The following IFT81 variants were observed in gnomAD, a reference collection of about 807,000 sequenced individuals.
The protein encoded by IFT81 is intraflagellar transport protein 81 homolog.
In IFT81, 72 loss-of-function variants were observed where a neutral mutation model predicts 102.6. The ratio of observed to expected loss-of-function variants is 0.70; its 90% CI spans 0.58 to 0.85. IFT81 has a LOEUF of 0.85. IFT81 is among the 40% of genes least tolerant of loss of function. The probability of loss-of-function intolerance (pLI) is 0.00; values close to 1 mark genes in which losing one functional copy is unlikely to be tolerated. For synonymous variants in IFT81, 237 were observed against 242.7 expected, an observed-to-expected ratio of 0.98 and a Z score of 0.22; for missense variants, 723 against 787.3, an observed-to-expected ratio of 0.92 and a Z score of 0.98.
In IFT81 at chr12:110,129,078, A is replaced by T. The variant is rs1253122288; in HGVS notation, c.377A>T (p.Glu126Val). 1 of 1,607,214 alleles carries T rather than the reference A, an allele frequency of 6.2e-7. No homozygotes were observed. The highest frequency in any genetic ancestry group is 1.1e-5 in the South Asian group (1 of 89,390). ...AYLARFLIKL[E>V]VPSEFLQDET... ...TTAGCTCGTTTTTTAATAAAACTTGAGGTACCAAGTGAGTTTCTTCAGGAT... is the reference window on the plus strand; with the variant it reads ...TTAGCTCGTTTTTTAATAAAACTTGTGGTACCAAGTGAGTTTCTTCAGGAT... The change falls in exon 4 of 19, where the codon GAG becomes GTG. Residue 126 changes from glutamate (E) to valine (V), a missense_variant. Physicochemically the swap from Glu to Val is moderately radical, Grantham distance 121. Transcript: ENST00000242591.
intron 12 of IFT81, among the ~76,000 whole-genome samples, chr12:110,190,610 G>T (rs560890284): frequency 6.6e-6 from 1 of 152,020 alleles, no homozygotes; most frequent in African/African-American, 2.4e-5. Context: ...TATCATTTGA[G>T]AATTCATTCT....
At chr12:110,173,164 T>A (rs1303551822) in intron 11 of IFT81, among the ~76,000 whole-genome samples, 1 of 98,464 alleles carries the variant, frequency 1.0e-5, no homozygotes, top group Non-Finnish European at 2.0e-5. Context: ...AGGAGGGAGG[T>A]GGGGGGGTCA....
At chr12:110,177,004 C>T (rs1897063174) in intron 11 of IFT81, among the ~76,000 whole-genome samples, 1 of 152,158 alleles carries the variant, frequency 6.6e-6, no homozygotes, top group East Asian at 1.9e-4. Flanking sequence ...TATAGTTACT[C>T]TAGGGATTCT....
rs536186862 is a variant in IFT81, at chr12:110,217,469, T to G, written c.1849-575T>G. The stretch of plus-strand genomic sequence containing the variant: ...CTGACTTCCAAACTCTACATTCTTC[T>G]TTTCACACCATGATACTGTTCCACT... On this transcript the variant is annotated intron_variant, in intron 18 of 18. Coordinates refer to ENST00000242591, the MANE Select transcript of IFT81 (RefSeq NM_014055.4). Among the ~76,000 whole-genome samples the G allele has an allele frequency of 9.2e-5, 14 of 152,338 alleles. No homozygotes were observed. The South Asian group carries it at 2.9e-3, about 32-fold the overall frequency.
chr12:110,128,156 A>G lies in IFT81; in HGVS notation c.248+7A>G. On this transcript the variant is annotated splice_region_variant and intron_variant, in intron 3 of 18. Coordinates refer to ENST00000242591, the MANE Select transcript of IFT81 (RefSeq NM_014055.4). ...CAGGAAATGCCACAGATATGTAAGA[A>G]TCTGATCACGTATTGAGTTTTTAAA... 1 of 1,547,240 alleles carries G rather than the reference A, an allele frequency of 6.5e-7. No individual in the cohort carries two copies. The highest frequency in any genetic ancestry group is 8.9e-7 in the Non-Finnish European group (1 of 1,119,362).
intron 17 of IFT81, among the ~76,000 whole-genome samples, chr12:110,206,446 A>C (rs1868635293): frequency 6.6e-6 from 1 of 152,202 alleles, no homozygotes; most frequent in South Asian, 2.1e-4. Flanking sequence ...TTCAGTAAAA[A>C]TTCAGATAAA....
At chr12:110,195,805 G>A (rs572738841) in intron 14 of IFT81, among the ~76,000 whole-genome samples, 37 of 152,250 alleles carry the variant, frequency 2.4e-4, no homozygotes, top group Admixed American at 1.2e-3. Context: ...GTTCTTGCAT[G>A]TTCTAGTTTA....
chr12:110,133,564 G>A (rs952234292), intron 5 of IFT81, among the ~76,000 whole-genome samples: 9 of 151,936 alleles, frequency 5.9e-5, no homozygotes, highest in Admixed American at 3.3e-4. Flanking sequence ...GGAGTTCAAG[G>A]CTGCAGTGAG....
chr12:110,210,375 A>G (rs1344139789), intron 18 of IFT81, among the ~76,000 whole-genome samples: 3 of 152,234 alleles, frequency 2.0e-5, no homozygotes, highest in Non-Finnish European at 4.4e-5. Flanking sequence ...TCTATATTGC[A>G]TAATGAAGAC....
chr12:110,130,557 A>G (rs1316369982), intron 4 of IFT81, among the ~76,000 whole-genome samples: 1 of 151,856 alleles, frequency 6.6e-6, no homozygotes, highest in African/African-American at 2.4e-5. Context: ...TTTAGCAGAG[A>G]TGGGGTTTCA....
At chr12:110,166,600 G>T (rs1012306053) in intron 11 of IFT81, among the ~76,000 whole-genome samples, 1 of 151,740 alleles carries the variant, frequency 6.6e-6, no homozygotes, top group Non-Finnish European at 1.5e-5. Flanking sequence ...CCTCCATTTT[G>T]TAACTTAAGA....
At chr12:110,151,967 T>A (rs917625378) in intron 10 of IFT81, among the ~76,000 whole-genome samples, 1 of 152,206 alleles carries the variant, frequency 6.6e-6, no homozygotes, top group Non-Finnish European at 1.5e-5. Context: ...TCATCCATGT[T>A]GTTGTAAATG....
At chr12:110,187,145 A>G (rs900029720) in intron 12 of IFT81, among the ~76,000 whole-genome samples, 4 of 152,104 alleles carry the variant, frequency 2.6e-5, no homozygotes, top group African/African-American at 9.7e-5. Flanking sequence ...TCAATTTTAT[A>G]GATTGCAGTT....
At chr12:110,173,032 G>A (rs1289041241) in intron 11 of IFT81, among the ~76,000 whole-genome samples, 1 of 149,098 alleles carries the variant, frequency 6.7e-6, no homozygotes, top group African/African-American at 2.5e-5. Context: ...CGTCCAGGAG[G>A]TGAGGGGCGC....
intron 18 of IFT81, among the ~76,000 whole-genome samples, chr12:110,210,356 G>A (rs975756578): frequency 3.9e-5 from 6 of 152,118 alleles, no homozygotes; most frequent in African/African-American, 1.4e-4. Context: ...CATCTTCATT[G>A]ATTTTAAGTC....
At chr12:110,192,585 T>A in intron 13 of IFT81, 32 bp from the exon 14 acceptor site, 1 of 1,135,728 alleles carries the variant, frequency 8.8e-7, no homozygotes, top group East Asian at 2.5e-5. Flanking sequence ...TGAATTCTTT[T>A]TTAGGTGTTA....
chr12:110,213,783 G>A (rs1869755181), intron 18 of IFT81, among the ~76,000 whole-genome samples: 1 of 152,134 alleles, frequency 6.6e-6, no homozygotes, highest in Admixed American at 6.5e-5. Context: ...GAACATATTT[G>A]ATATGTTTCA....
intron 14 of IFT81, 121 bp from the exon 15 acceptor site, chr12:110,203,743 C>G: frequency 1.4e-6 from 1 of 695,526 alleles, no homozygotes; most frequent in Admixed American, 2.3e-5. Flanking sequence ...ATAAATAACT[C>G]TTAAGTATGC....
intron 11 of IFT81, among the ~76,000 whole-genome samples, chr12:110,170,155 A>G (rs964637903): frequency 4.6e-5 from 7 of 151,838 alleles, no homozygotes; most frequent in African/African-American, 1.5e-4. Flanking sequence ...GGGTTTCACC[A>G]TGTTAGCCAG....
Sources: allele counts gnomAD v4.1 joint callset (sites outside exome capture counted in the v4.1 genomes callset), GRCh38; gene constraint gnomAD v4.1.1; transcripts MANE v1.5; gene names NCBI Gene and HGNC (gene_info 2026-07-23, HGNC 2026-07-21).